ZMYM2: variants seen among roughly 807,000 people sequenced by gnomAD.
ZMYM2 encodes zinc finger MYM-type protein 2.
ZMYM2 carries 56 observed loss-of-function variants against 162.8 expected under a neutral mutation model. That is an observed-to-expected ratio of 0.34 (90% confidence interval 0.28 to 0.43). ZMYM2 has a LOEUF of 0.43. Ranked by LOEUF, ZMYM2 falls within the 20% of genes least tolerant of loss-of-function variation. The probability of loss-of-function intolerance (pLI) is 1.00; values close to 1 mark genes in which losing one functional copy is unlikely to be tolerated. For synonymous variants in ZMYM2, 510 were observed against 541.6 expected, an observed-to-expected ratio of 0.94 and a Z score of 0.81; for missense variants, 1,275 against 1,621.8, an observed-to-expected ratio of 0.79 and a Z score of 3.67.
intron 14 of ZMYM2, among the ~76,000 whole-genome samples, chr13:20,055,879 G>A (rs1446995519): frequency 1.3e-5 from 2 of 152,048 alleles, no homozygotes; most frequent in Non-Finnish European, 2.9e-5. Context: ...AACGTTCTTG[G>A]CTATGTGAGA....
the ZMYM2 span, among the ~76,000 whole-genome samples, chr13:19,901,569 C>T: frequency 6.6e-6 from 1 of 152,082 alleles, no homozygotes; most frequent in African/African-American, 2.4e-5. Flanking sequence ...ACTGCAACCT[C>T]CGCCTCCCAG....
chr13:19,878,008 G>A, the ZMYM2 span, among the ~76,000 whole-genome samples: 9 of 151,660 alleles, frequency 5.9e-5, no homozygotes, highest in African/African-American at 2.2e-4. Context: ...AGTGCACAAG[G>A]GTTCCAATTT....
the ZMYM2 span, among the ~76,000 whole-genome samples, chr13:19,883,919 G>C: frequency 2.0e-5 from 3 of 152,208 alleles, no homozygotes; most frequent in South Asian, 6.2e-4. Flanking sequence ...CCCACATCTG[G>C]CTAATTTCTG....
At chr13:19,890,341 A>T in the ZMYM2 span, among the ~76,000 whole-genome samples, 3 of 151,258 alleles carry the variant, frequency 2.0e-5, no homozygotes, top group East Asian at 3.9e-4. Flanking sequence ...CTTTTTAAAA[A>T]TTTTTTTATA....
the ZMYM2 span, among the ~76,000 whole-genome samples, chr13:19,885,031 C>G: frequency 6.6e-6 from 1 of 152,054 alleles, no homozygotes; most frequent in South Asian, 2.1e-4. Context: ...ATTTATAATC[C>G]TTTAGCTAGA....
At chr13:20,050,133 G>T (rs1955183177) in intron 12 of ZMYM2, among the ~76,000 whole-genome samples, 1 of 151,658 alleles carries the variant, frequency 6.6e-6, no homozygotes, top group East Asian at 1.9e-4. Context: ...CAAGTTTTTG[G>T]ACAAGAGTTG....
chr13:19,885,599 G>C, the ZMYM2 span, among the ~76,000 whole-genome samples: 1 of 152,088 alleles, frequency 6.6e-6, no homozygotes, highest in Non-Finnish European at 1.5e-5. Context: ...CAGCACTTTG[G>C]GAGGCCGAGG....
intron 2 of ZMYM2, among the ~76,000 whole-genome samples, chr13:19,981,133 A>G (rs1027903685): frequency 6.6e-5 from 10 of 152,106 alleles, no homozygotes; most frequent in African/African-American, 2.4e-4. Flanking sequence ...TTAGCTAGGC[A>G]TGGCGGCACA....
chr13:19,934,016 A>C, the ZMYM2 span, among the ~76,000 whole-genome samples: 7 of 152,050 alleles, frequency 4.6e-5, no homozygotes, highest in African/African-American at 1.7e-4. Context: ...CTATCACCAC[A>C]TTTTATTTTT....
At chr13:19,950,057 A>G in the ZMYM2 span, among the ~76,000 whole-genome samples, 1 of 151,582 alleles carries the variant, frequency 6.6e-6, no homozygotes, top group Non-Finnish European at 1.5e-5. Flanking sequence ...AGGATTACTT[A>G]AACCCGGGAG....
chr13:19,871,583 C>T, the ZMYM2 span, among the ~76,000 whole-genome samples: 1 of 151,906 alleles, frequency 6.6e-6, no homozygotes, highest in Non-Finnish European at 1.5e-5. Context: ...ACTGCATGCA[C>T]CTTACATATG....
chr13:20,003,530 C>G (rs952677827), intron 4 of ZMYM2, among the ~76,000 whole-genome samples: 1 of 152,124 alleles, frequency 6.6e-6, no homozygotes, highest in African/African-American at 2.4e-5. Context: ...TTGTTTTGAA[C>G]ATTAAGTCAT....
chr13:19,900,125 A>G, the ZMYM2 span, among the ~76,000 whole-genome samples: 5 of 151,980 alleles, frequency 3.3e-5, no homozygotes, highest in Non-Finnish European at 7.4e-5. Context: ...ACATGGCGAA[A>G]CCCCATCTCT....
the ZMYM2 span, among the ~76,000 whole-genome samples, chr13:19,883,077 T>C: frequency 6.6e-6 from 1 of 152,172 alleles, no homozygotes; most frequent in African/African-American, 2.4e-5. Flanking sequence ...TAAAAAGTAA[T>C]GAAGTATTTA....
chr13:20,063,800 A>ATATAATTTT (rs1956417103), intron 18 of ZMYM2, among the ~76,000 whole-genome samples: 1 of 146,944 alleles, frequency 6.8e-6, no homozygotes, highest in Non-Finnish European at 1.5e-5. Flanking sequence ...ATATATAAAA[A>ATATAATTTT]ATATATAATA....
chr13:20,056,698 G>C (rs1247544520), intron 14 of ZMYM2, among the ~76,000 whole-genome samples: 1 of 150,280 alleles, frequency 6.7e-6, no homozygotes, highest in African/African-American at 2.5e-5. Context: ...AAAGAACAAT[G>C]TTAAAAACAT....
At chr13:20,036,128 A>G (rs1453553509) in intron 11 of ZMYM2, among the ~76,000 whole-genome samples, 1 of 152,158 alleles carries the variant, frequency 6.6e-6, no homozygotes, top group African/African-American at 2.4e-5. Flanking sequence ...ATAGAGTATT[A>G]TGTGATCCTC....
At position 20,051,648 on chromosome 13, in the gene ZMYM2, A is replaced by T. The variant is rs1171741724; in HGVS notation, c.2458+50A>T. 3 of 1,523,634 alleles carry T rather than the reference A, an allele frequency of 2.0e-6. No homozygotes were observed. The African/African-American group carries it at 4.2e-5, about 21-fold the overall frequency. The allele number at this position is 1,523,634 out of a possible 1,614,324, so 94.4% of individuals were successfully genotyped here. On this transcript the variant is annotated intron_variant, in intron 13 of 24. Transcript: ENST00000610343. ...TTGAAAACCCTGTACATCAGTCTTT[A>T]CGTAGTTTTGAATCCAAAGCACTGA...
At chr13:19,879,979 T>C in the ZMYM2 span, among the ~76,000 whole-genome samples, 1 of 152,196 alleles carries the variant, frequency 6.6e-6, no homozygotes, top group Non-Finnish European at 1.5e-5. Flanking sequence ...CTCTTTCTTT[T>C]CCCTCCTGGG....
Sources: gnomAD v4.1 joint callset for allele counts (sites outside exome capture counted in the v4.1 genomes callset) on GRCh38, gnomAD v4.1.1 for gene constraint, MANE v1.5 for transcripts, NCBI Gene and HGNC (gene_info 2026-07-23, HGNC 2026-07-21) for gene names.